The following ITSN1 variants were observed in gnomAD, a reference collection of about 807,000 sequenced individuals.
ITSN1 encodes intersectin 1.
ITSN1 carries 58 observed loss-of-function variants against 239.8 expected under a neutral mutation model. That is an observed-to-expected ratio of 0.24 (90% CI 0.20 to 0.30). The LOEUF (loss-of-function observed/expected upper bound fraction) is 0.30, where lower values mean the gene tolerates loss of function less well. Ranked by LOEUF, ITSN1 falls within the 10% of genes least tolerant of loss-of-function variation. The pLI is 1.00. For missense variants in ITSN1, 1,558 were observed against 2,103.3 expected (o/e 0.74, Z 5.07); for synonymous variants, 780 against 770.8 (o/e 1.01, Z -0.20).
At chr21:33,664,633 C>T (rs375731191) in intron 1 of ITSN1, among the ~76,000 whole-genome samples, 16 of 152,178 alleles carry the variant, frequency 1.1e-4, no homozygotes, top group Admixed American at 6.5e-4. Flanking sequence ...GCCTCAGTTT[C>T]CTCATCTGTA....
chr21:33,853,097 T>G (rs1270944459), intron 29 of ITSN1, among the ~76,000 whole-genome samples: 1 of 152,222 alleles, frequency 6.6e-6, no homozygotes, highest in Admixed American at 6.5e-5. Flanking sequence ...TGGGTCAATT[T>G]GATGGCTAAA....
At chr21:33,809,732 G>A (rs1395752765) in intron 20 of ITSN1, among the ~76,000 whole-genome samples, 5 of 152,164 alleles carry the variant, frequency 3.3e-5, no homozygotes, top group Non-Finnish European at 7.4e-5. Flanking sequence ...AGCATAGGAA[G>A]GGGTAAAAAT....
chr21:33,862,407 G>A (rs1027756949), intron 31 of ITSN1, among the ~76,000 whole-genome samples: 3 of 152,082 alleles, frequency 2.0e-5, no homozygotes, highest in African/African-American at 7.2e-5. Context: ...AGAAAATGAA[G>A]GAAAAATAAA....
intron 1 of ITSN1, 60 bp from the exon 2 acceptor site, chr21:33,718,737 G>C (rs1419954066): frequency 4.6e-6 from 5 of 1,092,662 alleles, no homozygotes; most frequent in Non-Finnish European, 7.1e-6. Context: ...ATGTTGGTGT[G>C]TTTATGATTA....
In ITSN1 at chr21:33,819,222, T is replaced by A; in HGVS notation, c.2934-19T>A. ...TTTGAAGATAAAAATTAAAATACTC[T>A]CTTCTTCCATTATTGCAGCATGGAT... On this transcript the variant is annotated intron_variant, in intron 23 of 39. Transcript: ENST00000381318. 1 of 1,577,082 alleles carries A rather than the reference T, an allele frequency of 6.3e-7. No homozygotes were observed. The highest frequency in any genetic ancestry group is 1.1e-5 in the South Asian group (1 of 89,716).
chr21:33,784,360 A>G (rs939124036), intron 16 of ITSN1, among the ~76,000 whole-genome samples: 2 of 116,298 alleles, frequency 1.7e-5, no homozygotes, highest in African/African-American at 3.1e-5. Context: ...CACACTAGTC[A>G]GGTATGGTGG....
intron 16 of ITSN1, among the ~76,000 whole-genome samples, chr21:33,782,430 G>A (rs1328989400): frequency 6.6e-6 from 1 of 152,108 alleles, no homozygotes; most frequent in East Asian, 1.9e-4. Flanking sequence ...TCTTTCTTAT[G>A]TTCTTTGAAT....
intron 6 of ITSN1, 62 bp downstream of exon 6, chr21:33,750,384 T>A: frequency 7.0e-7 from 1 of 1,429,294 alleles, no homozygotes; most frequent in Non-Finnish European, 9.8e-7. Flanking sequence ...TGTTCATTAT[T>A]AAAATATTTT....
At chr21:33,791,257 A>T (rs1226050550) in intron 16 of ITSN1, among the ~76,000 whole-genome samples, 1 of 152,160 alleles carries the variant, frequency 6.6e-6, no homozygotes, top group Non-Finnish European at 1.5e-5. Flanking sequence ...GCAGTGTTTG[A>T]CTTGGATGAA....
intron 1 of ITSN1, among the ~76,000 whole-genome samples, chr21:33,686,688 A>G (rs1180804573): frequency 2.0e-5 from 3 of 152,172 alleles, no homozygotes; most frequent in African/African-American, 4.8e-5. Context: ...TCCATTTTAT[A>G]TATCACATTT....
chr21:33,669,158 C>T (rs987017747), intron 1 of ITSN1, among the ~76,000 whole-genome samples: 3 of 152,234 alleles, frequency 2.0e-5, no homozygotes, highest in Non-Finnish European at 1.5e-5. Flanking sequence ...TCTCTGCTCA[C>T]TGCAGGCTCC....
chr21:33,732,918 G>GA (rs2066277633), intron 4 of ITSN1, among the ~76,000 whole-genome samples: 1 of 152,114 alleles, frequency 6.6e-6, no homozygotes. Flanking sequence ...TTTATTAAAG[G>GA]AAATAGTATA....
At chr21:33,791,168 C>CT (rs1381171733) in intron 16 of ITSN1, among the ~76,000 whole-genome samples, 2 of 152,168 alleles carry the variant, frequency 1.3e-5, no homozygotes, top group Admixed American at 1.3e-4. Context: ...ATAGTAAACT[C>CT]TTTAAGTCCA....
chr21:33,822,935 A>G (rs2073772159), intron 24 of ITSN1, among the ~76,000 whole-genome samples: 1 of 152,254 alleles, frequency 6.6e-6, no homozygotes, highest in Non-Finnish European at 1.5e-5. Context: ...ACAATAGGAC[A>G]TAAGTTTTCA....
At chr21:33,774,066 C>CA (rs975319609) in intron 12 of ITSN1, among the ~76,000 whole-genome samples, 6 of 151,950 alleles carry the variant, frequency 3.9e-5, no homozygotes, top group African/African-American at 9.7e-5. Flanking sequence ...TTCAACGTAC[C>CA]AAAAAAATGA....
chr21:33,839,572 ATC>A (rs1288617278), intron 29 of ITSN1, among the ~76,000 whole-genome samples: 1 of 152,150 alleles, frequency 6.6e-6, no homozygotes, highest in East Asian at 1.9e-4. Context: ...TGCAAGTCCC[ATC>A]TCTTCCCCAG....
chr21:33,768,941 A>G (rs566001259), intron 11 of ITSN1, among the ~76,000 whole-genome samples: 124 of 152,360 alleles, frequency 8.1e-4, no homozygotes, highest in African/African-American at 2.9e-3. Context: ...ATATTAGAGG[A>G]TTTAAGACAT....
intron 29 of ITSN1, chr21:33,838,043 AT>A: frequency 1.0e-6 from 1 of 985,832 alleles, no homozygotes; most frequent in Non-Finnish European, 1.2e-6. Flanking sequence ...CAATGTTTAC[AT>A]TTTTTAACTA....
chr21:33,842,088 G>T (rs2074843442), intron 29 of ITSN1, among the ~76,000 whole-genome samples: 1 of 151,986 alleles, frequency 6.6e-6, no homozygotes, highest in Non-Finnish European at 1.5e-5. Context: ...CTAGAGATGG[G>T]GTTTCACTGT....
Sources: allele counts gnomAD v4.1 joint callset (sites outside exome capture counted in the v4.1 genomes callset), GRCh38; gene constraint gnomAD v4.1.1; transcripts MANE v1.5; gene names NCBI Gene and HGNC (gene_info 2026-07-23, HGNC 2026-07-21).